Variants in TPM3 observed in about 807,000 individuals in gnomAD.
The protein encoded by TPM3 is tropomyosin alpha-3 chain.
A neutral mutation model predicts 43.1 loss-of-function variants in TPM3; 16 were observed. That is an observed-to-expected ratio of 0.37 (90% CI 0.25 to 0.56). The LOEUF (loss-of-function observed/expected upper bound fraction) is 0.56. TPM3 is among the 20% of genes least tolerant of loss of function. TPM3 has a pLI of 0.77. For synonymous variants in TPM3, 101 were observed against 116.9 expected (o/e 0.86, Z 0.88); for missense variants, 176 against 337.2 (o/e 0.52, Z 3.74).
rs947838589 is a variant in TPM3 at position 154,165,037 on chromosome 1, T to C, written c.*2900A>G. ...CTGTCTAAATCTACCTTTAGAGCTATTGTGGCCTTCTCATCTCTATCAATG... is the reference window on the plus strand; with the variant it reads ...CTGTCTAAATCTACCTTTAGAGCTACTGTGGCCTTCTCATCTCTATCAATG... On this transcript the variant is annotated 3_prime_UTR_variant, in exon 10 of 10. Coordinates refer to ENST00000651641, the MANE Select transcript of TPM3 (RefSeq NM_152263.4). 1.3e-5 allele frequency among the ~76,000 whole-genome samples: 2 copies of C among 152,236 alleles called. No homozygotes were observed. Among genetic ancestry groups the C allele is most frequent in the South Asian group, 2.1e-4 (1 of 4,828 alleles).
At chr1:154,183,310 G>A in intron 2 of TPM3, 4 of 1,481,892 alleles carry the variant, frequency 2.7e-6, no homozygotes, top group Middle Eastern at 2.4e-4. Context: ...TGGAGGGAGA[G>A]CCGCGGCAGG....
At chr1:154,173,250 G>C in intron 3 of TPM3, 49 bp from the exon 4 acceptor site, 1 of 1,468,562 alleles carries the variant, frequency 6.8e-7, no homozygotes, top group Non-Finnish European at 9.5e-7. Context: ...GGAGTGTGTC[G>C]TCAGCTCCAC....
At chr1:154,189,590 T>C (rs1043072152) in intron 2 of TPM3, among the ~76,000 whole-genome samples, 26 of 152,004 alleles carry the variant, frequency 1.7e-4, no homozygotes, top group Admixed American at 3.3e-4. Flanking sequence ...GGTCAGGAGT[T>C]CAAGACAAGC....
chr1:154,180,256 C>G (rs1662799336), intron 2 of TPM3, among the ~76,000 whole-genome samples: 1 of 152,108 alleles, frequency 6.6e-6, no homozygotes, highest in South Asian at 2.1e-4. Context: ...CACAAAGTAA[C>G]CAGGAAAATA....
intron 8 of TPM3, 24 bp from the exon 9 acceptor site, chr1:154,169,407 G>A: frequency 6.2e-7 from 1 of 1,611,782 alleles, no homozygotes; most frequent in African/African-American, 1.3e-5. Flanking sequence ...GGAACCACAG[G>A]GAGGAATGAG....
intron 4 of TPM3, 33 bp from the exon 5 acceptor site, chr1:154,173,011 A>G: frequency 5.6e-6 from 9 of 1,614,176 alleles, no homozygotes; most frequent in Non-Finnish European, 7.6e-6. Context: ...AGCTTAGTGA[A>G]GCAAAGGAGC....
intron 8 of TPM3, chr1:154,169,725 T>C (rs1443358258): frequency 7.4e-6 from 3 of 407,192 alleles, no homozygotes; most frequent in African/African-American, 6.1e-5. Flanking sequence ...TGAACAAAAA[T>C]AGCAAAGGGA....
intron 2 of TPM3, chr1:154,178,216 G>T: frequency 1.0e-6 from 1 of 985,292 alleles, no homozygotes; most frequent in Non-Finnish European, 1.2e-6. Context: ...GAAGATAACA[G>T]GCTATGGGGC....
intron 3 of TPM3, among the ~76,000 whole-genome samples, chr1:154,174,478 C>T (rs1662061566): frequency 7.1e-6 from 1 of 140,496 alleles, no homozygotes; most frequent in African/African-American, 2.6e-5. Flanking sequence ...TTGTTTTCCA[C>T]ACTCTTTTTT....
chr1:154,167,314 A>C lies in TPM3; in HGVS notation c.*623T>G, dbSNP rs932405829. 5 of 985,246 alleles carry C rather than the reference A, an allele frequency of 5.1e-6. No homozygotes were observed. In the African/African-American group the frequency reaches 8.7e-5, roughly 17 times the overall value. The allele number at this position is 985,246 out of a possible 1,614,324, so 61.0% of individuals were successfully genotyped here. A position where few individuals can be genotyped will look rare whatever the true frequency, so the allele number is the denominator to read the frequency against. On this transcript the variant is annotated 3_prime_UTR_variant, in exon 10 of 10. Coordinates refer to ENST00000651641, the MANE Select transcript of TPM3 (RefSeq NM_152263.4). ...AATTAGTCAATCTTAGCAATAATGT[A>C]TTGGGTTCACTGGGTGTTCTGAGGA...
At chr1:154,187,773 C>G (rs1345791110) in intron 2 of TPM3, among the ~76,000 whole-genome samples, 3 of 151,584 alleles carry the variant, frequency 2.0e-5, no homozygotes, top group Non-Finnish European at 4.4e-5. Flanking sequence ...CCTCCTCAAG[C>G]CCACATACTA....
chr1:154,178,157 G>C (rs1662554053), intron 2 of TPM3: 1 of 985,336 alleles, frequency 1.0e-6, no homozygotes, highest in Non-Finnish European at 1.2e-6. Context: ...GGAAGCTCAT[G>C]AAATGTAAGA....
chr1:154,173,660 G>A (rs1286901428), intron 3 of TPM3, among the ~76,000 whole-genome samples: 3 of 140,384 alleles, frequency 2.1e-5, no homozygotes, highest in Non-Finnish European at 1.5e-5. Context: ...GCGAAACTCC[G>A]TCTCAAAAAA....
Position 154,173,108 on chromosome 1 carries a change from T to C in TPM3, c.471A>G (p.Glu157=). ...CCTCTTCATACTTCCTATCTGCCTC[T>C]TCTGCAATGTGCTTAGCTTCTTTGA... ...IQLKEAKHIA[E]EADRKYEEVA... is the part of the protein sequence containing the mutation. Residue 157 remains glutamate, a synonymous_variant, in exon 4 of 10, where the codon GAA becomes GAG. Transcript: ENST00000651641. The C allele has an allele frequency of 6.2e-7, 1 of 1,614,252 alleles. No individual in the cohort carries two copies. Among genetic ancestry groups the C allele is most frequent in the Non-Finnish European group, 8.5e-7 (1 of 1,180,038 alleles).
chr1:154,158,099 C>A (rs942719872), downstream of TPM3, among the ~76,000 whole-genome samples: 3 of 152,130 alleles, frequency 2.0e-5, no homozygotes, highest in Non-Finnish European at 4.4e-5. Flanking sequence ...TTGAACATTG[C>A]AAACAATAGA....
rs897150520 is a variant in TPM3, at chr1:154,164,585, T to G, written c.*3352A>C. Among the ~76,000 whole-genome samples the G allele has an allele frequency of 1.3e-5, 2 of 152,238 alleles. No homozygotes were observed. The highest frequency in any genetic ancestry group is 4.8e-5 in the African/African-American group (2 of 41,462). On this transcript the variant is annotated 3_prime_UTR_variant, in exon 10 of 10. Transcript: ENST00000651641. ...GCCACTACTCTAGCTCAGACCCTGA[T>G]TATTCTCTCCTAGAAAACTAAATTA... is the stretch of plus-strand genomic sequence containing the variant.
chr1:154,189,774 G>C lies in TPM3; in HGVS notation c.243+1412C>G, dbSNP rs1207804799. 4.8e-5 allele frequency among the ~76,000 whole-genome samples: 7 copies of C among 145,698 alleles called. No homozygotes were observed. The East Asian group carries it at 8.0e-4, about 17-fold the overall frequency. On this transcript the variant is annotated intron_variant, in intron 2 of 9. Transcript: ENST00000651641. ...GATAGTACCATTTTATTACAGCCTG[G>C]GCAACAAGAGTGAAACCCTGTCTCA... is the stretch of plus-strand genomic sequence containing the variant.
downstream of TPM3, among the ~76,000 whole-genome samples, chr1:154,161,631 T>TG (rs1257163739): frequency 6.6e-6 from 1 of 151,188 alleles, no homozygotes. Flanking sequence ...TTAGTAGAGA[T>TG]GGGGTTTCAC....
chr1:154,183,476 G>A (rs1221561876), intron 2 of TPM3: 1 of 478,578 alleles, frequency 2.1e-6, no homozygotes, highest in Admixed American at 3.5e-5. Flanking sequence ...ACAATGGTTG[G>A]CCCCTTTGCA....
Sources: allele counts gnomAD v4.1 joint callset (sites outside exome capture counted in the v4.1 genomes callset), GRCh38; gene constraint gnomAD v4.1.1; transcripts MANE v1.5; gene names NCBI Gene and HGNC (gene_info 2026-07-23, HGNC 2026-07-21).